The following KIAA1217 variants were observed in gnomAD, a reference collection of about 807,000 sequenced individuals.
The protein encoded by KIAA1217 is KIAA1217.
KIAA1217 carries 88 observed loss-of-function variants against 163.9 expected under a neutral mutation model. The ratio of observed to expected loss-of-function variants is 0.54; its 90% CI spans 0.45 to 0.64. The LOEUF (loss-of-function observed/expected upper bound fraction) is 0.64, where lower values mean the gene tolerates loss of function less well. KIAA1217 is among the 30% of genes least tolerant of loss of function. The probability of loss-of-function intolerance (pLI) is 0.00; values close to 1 mark genes in which losing one functional copy is unlikely to be tolerated. For missense variants in KIAA1217, 2,372 were observed against 2,475.0 expected, an observed-to-expected ratio of 0.96 and a Z score of 0.88; for synonymous variants, 903 against 923.1, an observed-to-expected ratio of 0.98 and a Z score of 0.39.
intron 3 of KIAA1217, among the ~76,000 whole-genome samples, chr10:24,418,266 G>C (rs1243253395): frequency 1.3e-5 from 2 of 151,986 alleles, no homozygotes; most frequent in East Asian, 1.9e-4. Context: ...AGCCAACACT[G>C]TTTCCTTTCC....
intron 5 of KIAA1217, 101 bp downstream of exon 5, chr10:24,438,580 G>A (rs2060247053): frequency 1.3e-6 from 1 of 786,778 alleles, no homozygotes; most frequent in Non-Finnish European, 2.2e-6. Context: ...ACTGAGTTTT[G>A]GAGGGTTCTC....
chr10:24,220,446 C>CTTTTTTTTTTTT (rs530992369), intron 2 of KIAA1217, among the ~76,000 whole-genome samples: 8 of 103,108 alleles, frequency 7.8e-5, no homozygotes, highest in African/African-American at 3.5e-4. Flanking sequence ...TTCTGCTCTT[C>CTTTTTTTTTTTT]TTTTTTTTTT....
chr10:24,165,835 A>G (rs1330149202), intron 2 of KIAA1217, among the ~76,000 whole-genome samples: 3 of 152,210 alleles, frequency 2.0e-5, no homozygotes, highest in Non-Finnish European at 4.4e-5. Context: ...GCAGAAAAAA[A>G]GCAGTTTGCT....
chr10:23,763,307 C>T (rs182251189), intron 1 of KIAA1217, among the ~76,000 whole-genome samples: 27 of 152,258 alleles, frequency 1.8e-4, no homozygotes, highest in Admixed American at 1.8e-3. Context: ...ATAGACAAGA[C>T]AATCCTAAGC....
At chr10:24,101,423 A>G (rs1157408301) in intron 2 of KIAA1217, among the ~76,000 whole-genome samples, 8 of 152,172 alleles carry the variant, frequency 5.3e-5, no homozygotes, top group Non-Finnish European at 1.0e-4. Flanking sequence ...TTCCCTTTCT[A>G]TGCATGCTTG....
At chr10:24,190,306 A>G (rs1451772116) in intron 2 of KIAA1217, among the ~76,000 whole-genome samples, 1 of 152,146 alleles carries the variant, frequency 6.6e-6, no homozygotes, top group African/African-American at 2.4e-5. Context: ...ATTTTGGGGT[A>G]ACATGTTTTG....
chr10:24,128,904 C>G, intron 2 of KIAA1217, among the ~76,000 whole-genome samples: 1 of 152,352 alleles, frequency 6.6e-6, no homozygotes, highest in African/African-American at 2.4e-5. Context: ...CTCTCGTAGC[C>G]AAGGCCCTCA....
At chr10:23,752,832 G>T (rs948313282) in intron 1 of KIAA1217, among the ~76,000 whole-genome samples, 1 of 151,994 alleles carries the variant, frequency 6.6e-6, no homozygotes, top group African/African-American at 2.4e-5. Context: ...AAAGTGAATG[G>T]GTATTACCCA....
At chr10:23,951,770 G>A (rs948982243) in intron 1 of KIAA1217, among the ~76,000 whole-genome samples, 7 of 152,092 alleles carry the variant, frequency 4.6e-5, no homozygotes, top group East Asian at 1.9e-4. Flanking sequence ...AATCCCCTCC[G>A]CAAGTGGCAA....
chr10:23,744,338 A>C (rs924090344), intron 1 of KIAA1217, among the ~76,000 whole-genome samples: 1 of 152,184 alleles, frequency 6.6e-6, no homozygotes, highest in African/African-American at 2.4e-5. Context: ...TCAGGTCTAA[A>C]GGTCAATTTT....
intron 2 of KIAA1217, among the ~76,000 whole-genome samples, chr10:24,342,878 G>A (rs1006044912): frequency 1.3e-5 from 2 of 151,804 alleles, no homozygotes; most frequent in Non-Finnish European, 2.9e-5. Context: ...GGCTGGTCTC[G>A]AACTCCTAAC....
chr10:24,095,378 G>T (rs190065501), intron 2 of KIAA1217, among the ~76,000 whole-genome samples: 96 of 152,262 alleles, frequency 6.3e-4, no homozygotes, highest in Non-Finnish European at 1.1e-3. Flanking sequence ...GGCCATCATG[G>T]CTCCAGCCCT....
At chr10:24,309,865 A>T (rs1468587180) in intron 2 of KIAA1217, among the ~76,000 whole-genome samples, 1 of 152,198 alleles carries the variant, frequency 6.6e-6, no homozygotes, top group East Asian at 1.9e-4. Context: ...ACACTCTGCT[A>T]CCACAAAGAG....
At chr10:23,890,069 G>C (rs138353818) in intron 1 of KIAA1217, among the ~76,000 whole-genome samples, 1 of 151,798 alleles carries the variant, frequency 6.6e-6, no homozygotes, top group Middle Eastern at 3.4e-3. Context: ...AAATTCACCA[G>C]TGGAATCATC....
rs1564424234 is a variant in KIAA1217, at chr10:23,790,557, G to GTATATATACATATGTATATGTACATATA, written c.-321+95325_-321+95326insTATATACATATGTATATGTACATATATA. Among the ~76,000 whole-genome samples the GTATATATACATATGTATATGTACATATA allele has an allele frequency of 1.4e-4, 10 of 69,482 alleles. 2 individuals carry two copies. The highest frequency in any genetic ancestry group is 1.4e-3 in the Admixed American group (9 of 6,460). The allele number at this position is 69,482 out of a possible 152,430, so 45.6% of individuals were successfully genotyped here. On this transcript the variant is annotated intron_variant, in intron 1 of 18. Coordinates refer to the KIAA1217 transcript ENST00000376462. ...CATATACATGTGCATATATACATAT[G>GTATATATACATATGTATATGTACATATA]TACATATGTATATATACATATGTAT...
At chr10:23,999,383 A>C (rs892954085) in intron 1 of KIAA1217, among the ~76,000 whole-genome samples, 1 of 152,144 alleles carries the variant, frequency 6.6e-6, no homozygotes, top group Non-Finnish European at 1.5e-5. Flanking sequence ...GGCACTGACA[A>C]TTAAGGAGCA....
chr10:24,037,335 A>T (rs918403445), intron 2 of KIAA1217, among the ~76,000 whole-genome samples: 1 of 152,086 alleles, frequency 6.6e-6, no homozygotes, highest in African/African-American at 2.4e-5. Context: ...AATAAAAAAT[A>T]AAAAACTAGC....
chr10:24,479,722 G>T (rs1163982909), intron 6 of KIAA1217, among the ~76,000 whole-genome samples: 1 of 152,150 alleles, frequency 6.6e-6, no homozygotes, highest in Non-Finnish European at 1.5e-5. Context: ...CTAGCTTCTG[G>T]CAAGGCCTTT....
At chr10:24,016,215 T>G (rs1395303427) in intron 2 of KIAA1217, among the ~76,000 whole-genome samples, 1 of 152,166 alleles carries the variant, frequency 6.6e-6, no homozygotes, top group Non-Finnish European at 1.5e-5. Context: ...CTGTATTCTT[T>G]CTTTCTGTGT....
Sources: allele counts gnomAD v4.1 joint callset (sites outside exome capture counted in the v4.1 genomes callset), GRCh38; gene constraint gnomAD v4.1.1; transcripts MANE v1.5; gene names NCBI Gene and HGNC (gene_info 2026-07-23, HGNC 2026-07-21).